Variants in FBRSL1 observed in about 807,000 individuals in gnomAD.
FBRSL1 encodes fibrosin like 1, also known as fibrosin-1-like protein.
FBRSL1 carries 51 observed loss-of-function variants against 89.6 expected under a neutral mutation model. That is an observed-to-expected ratio of 0.57 (90% CI 0.45 to 0.72). FBRSL1 has a LOEUF of 0.72. FBRSL1 is among the 30% of genes least tolerant of loss of function. The pLI, the probability that FBRSL1 is intolerant of heterozygous loss-of-function variation, is 0.00. For synonymous variants in FBRSL1, 779 were observed against 681.1 expected (o/e 1.14, Z -2.24); for missense variants, 1,618 against 1,451.8 (o/e 1.11, Z -1.86).
chr12:132,519,964 A>G (rs1175351273), intron 2 of FBRSL1, among the ~76,000 whole-genome samples: 1 of 150,740 alleles, frequency 6.6e-6, no homozygotes, highest in African/African-American at 2.4e-5. Flanking sequence ...GTATGTGTGG[A>G]AGAGAGCCCA....
At chr12:132,547,067 C>A (rs982982002) in intron 4 of FBRSL1, among the ~76,000 whole-genome samples, 1 of 152,212 alleles carries the variant, frequency 6.6e-6, no homozygotes, top group Non-Finnish European at 1.5e-5. Flanking sequence ...TTGCAGTTGC[C>A]AGGAGGGGAT....
intron 14 of FBRSL1, 33 bp downstream of exon 14, chr12:132,574,597 T>C: frequency 6.5e-7 from 1 of 1,541,598 alleles, no homozygotes. Context: ...AGGGCGCTTG[T>C]GAACCCGACT....
rs1034325786 is a variant in FBRSL1, at chr12:132,546,812, A to C, written c.616-1191A>C. Among the ~76,000 whole-genome samples, 1 of 152,228 alleles carries C rather than the reference A, an allele frequency of 6.6e-6. No homozygotes were observed. The highest frequency in any genetic ancestry group is 6.5e-5 in the Admixed American group (1 of 15,290). Reference sequence around the variant, plus strand: ...GTGTGACTCGTCATGCGCTGGGAGCAGCACGTTCTCGCTGCAGAGTGTCTG... The same window carrying C: ...GTGTGACTCGTCATGCGCTGGGAGCCGCACGTTCTCGCTGCAGAGTGTCTG... On this transcript the variant is annotated intron_variant, in intron 4 of 18. Transcript: ENST00000680143. The surrounding 1 kb of genome is among the most constrained non-coding windows in gnomAD (Gnocchi z 4.0).
intron 2 of FBRSL1, among the ~76,000 whole-genome samples, chr12:132,508,789 C>G (rs866282440): frequency 6.6e-6 from 1 of 152,230 alleles, no homozygotes; most frequent in African/African-American, 2.4e-5. Context: ...GAAGGGAATA[C>G]TTGGTCCCGG....
intron 5 of FBRSL1, chr12:132,551,587 G>A: frequency 2.2e-6 from 1 of 456,244 alleles, no homozygotes; most frequent in Non-Finnish European, 4.4e-6. Context: ...CTCCCACCTG[G>A]CCAGCCACCC....
intron 5 of FBRSL1, chr12:132,560,073 A>C (rs1348325876): frequency 6.6e-6 from 1 of 151,010 alleles, no homozygotes; most frequent in Non-Finnish European, 1.5e-5. Context: ...CGCGGCGGAC[A>C]TGCGCGTCCC....
intron 5 of FBRSL1, chr12:132,551,912 C>T (rs901743138): frequency 1.7e-5 from 5 of 291,778 alleles, no homozygotes; most frequent in East Asian, 8.2e-5. Context: ...CTCCTGCTGC[C>T]GGGGGCTGCC....
intron 6 of FBRSL1, among the ~76,000 whole-genome samples, chr12:132,567,926 G>C (rs184795679): frequency 6.6e-6 from 1 of 152,314 alleles, no homozygotes; most frequent in East Asian, 1.9e-4. Flanking sequence ...TGCTGCCTGC[G>C]CGCCTCTGTG....
chr12:132,494,937 G>A (rs1263211444), intron 1 of FBRSL1, among the ~76,000 whole-genome samples: 1 of 152,222 alleles, frequency 6.6e-6, no homozygotes, highest in Non-Finnish European at 1.5e-5. Context: ...TGCACAGACG[G>A]TTGTGCTTAA....
At chr12:132,524,604 CAAAGT>C (rs1446140648) in intron 2 of FBRSL1, among the ~76,000 whole-genome samples, 1 of 152,208 alleles carries the variant, frequency 6.6e-6, no homozygotes, top group Non-Finnish European at 1.5e-5. Flanking sequence ...TTGGATGACT[CAAAGT>C]AAAGAACCTC....
At position 132,533,947 on chromosome 12, in the gene FBRSL1, C is replaced by T. The variant is rs117550479; in HGVS notation, c.615+5959C>T. 1.4e-3 allele frequency among the ~76,000 whole-genome samples: 219 copies of T among 152,298 alleles called. 1 individual carries two copies. Among genetic ancestry groups the T allele is most frequent in the Non-Finnish European group, 2.5e-3 (170 of 68,030 alleles). ...CTGAGTAGGGGCAAGCCTGTGTGTG[C>T]AGAACCTGAGGCGGGTGGGTGCCAC... On this transcript the variant is annotated intron_variant, in intron 4 of 18. Transcript: ENST00000680143.
intron 14 of FBRSL1, 85 bp downstream of exon 14, chr12:132,574,649 G>A: frequency 6.8e-7 from 1 of 1,472,570 alleles, no homozygotes; most frequent in Non-Finnish European, 9.1e-7. Flanking sequence ...GAGGCTGTGT[G>A]TGTTCACACG....
chr12:132,492,266 C>A (rs187256321), intron 1 of FBRSL1, among the ~76,000 whole-genome samples: 95 of 152,330 alleles, frequency 6.2e-4, no homozygotes, highest in Non-Finnish European at 1.2e-3. Context: ...CGTTCTCTGT[C>A]TGCTTTATGT....
intron 4 of FBRSL1, among the ~76,000 whole-genome samples, chr12:132,543,679 G>A (rs892953270): frequency 2.0e-5 from 3 of 152,182 alleles, no homozygotes; most frequent in Admixed American, 6.5e-5. Context: ...GTCCACCCAC[G>A]GGTGAGGGTC....
At chr12:132,531,017 G>A (rs1470424489) in intron 4 of FBRSL1, among the ~76,000 whole-genome samples, 3 of 150,658 alleles carry the variant, frequency 2.0e-5, no homozygotes, top group Non-Finnish European at 4.4e-5. Flanking sequence ...GCAGGTGAGA[G>A]CCCGGGGTGC....
At chr12:132,544,514 T>A (rs763453901) in intron 4 of FBRSL1, among the ~76,000 whole-genome samples, 2 of 152,194 alleles carry the variant, frequency 1.3e-5, no homozygotes, top group Non-Finnish European at 2.9e-5. Context: ...TGGCATCTTC[T>A]CGTTCTTGGC....
At chr12:132,539,155 C>T (rs984442642) in intron 4 of FBRSL1, among the ~76,000 whole-genome samples, 6 of 152,104 alleles carry the variant, frequency 3.9e-5, no homozygotes, top group Non-Finnish European at 7.4e-5. Flanking sequence ...ACCCCTCGGG[C>T]TCCATGGCAG....
intron 2 of FBRSL1, among the ~76,000 whole-genome samples, chr12:132,520,372 A>G (rs556213777): frequency 3.6e-4 from 54 of 151,944 alleles, no homozygotes; most frequent in African/African-American, 1.2e-3. Flanking sequence ...GCAGATGGCA[A>G]TTTTCCCGAG....
chr12:132,569,784 G>A, intron 6 of FBRSL1, 142 bp from the exon 7 acceptor site: 1 of 577,492 alleles, frequency 1.7e-6, no homozygotes, highest in Non-Finnish European at 2.7e-6. Flanking sequence ...TGGCCTCCGT[G>A]CCTGCCTCCT....
Sources: gnomAD v4.1 joint callset for allele counts (sites outside exome capture counted in the v4.1 genomes callset) on GRCh38, gnomAD v4.1.1 for gene constraint, Gnocchi (gnomAD v3.1) non-coding constraint, MANE v1.5 for transcripts, NCBI Gene and HGNC (gene_info 2026-07-23, HGNC 2026-07-21) for gene names.